ZNF343: variants seen among roughly 807,000 people sequenced by gnomAD.
The protein encoded by ZNF343 is zinc finger protein 343.
In ZNF343, 11 loss-of-function variants were observed where a neutral mutation model predicts 13.8. The observed-to-expected ratio is 0.80, with a 90% confidence interval of 0.50 to 1.32. The LOEUF (loss-of-function observed/expected upper bound fraction) is 1.32. Among genes scored for constraint, ZNF343 ranks in the 40% most tolerant of loss-of-function variants. The probability of loss-of-function intolerance (pLI) is 0.00; values close to 1 mark genes in which losing one functional copy is unlikely to be tolerated. For missense variants in ZNF343, 658 were observed against 714.2 expected (o/e 0.92, Z 0.90); for synonymous variants, 248 against 260.0 (o/e 0.95, Z 0.44).
intron 5 of ZNF343, among the ~76,000 whole-genome samples, chr20:2,488,494 A>G (rs2085316363): frequency 6.6e-6 from 1 of 151,888 alleles, no homozygotes. Context: ...CAGCACCACA[A>G]TGTTTTCTTT....
rs2085770690 is a variant in ZNF343 at position 2,518,797 on chromosome 20, G to C, written c.-347+5658C>G. On this transcript the variant is annotated intron_variant, in intron 1 of 6. Transcript: ENST00000358413. The surrounding 1 kb of genome is among the most constrained non-coding windows in gnomAD (Gnocchi z 4.6). ...CCCACTGATAATGGTTTGGCTCTGT[G>C]TTCCTACCCAAATCTCATCTCGAAT... is the stretch of plus-strand genomic sequence containing the variant. Among the ~76,000 whole-genome samples the C allele has an allele frequency of 6.6e-6, 1 of 152,188 alleles. No individual in the cohort carries two copies. Among genetic ancestry groups the C allele is most frequent in the Non-Finnish European group, 1.5e-5 (1 of 68,032 alleles).
At chr20:2,500,935 C>T (rs1412761824) in intron 1 of ZNF343, among the ~76,000 whole-genome samples, 193 bp from the exon 2 acceptor site, 2 of 152,176 alleles carry the variant, frequency 1.3e-5, no homozygotes, top group African/African-American at 4.8e-5. Flanking sequence ...CCGGGTTTAT[C>T]TCACTGGGGA....
intron 5 of ZNF343, among the ~76,000 whole-genome samples, chr20:2,491,361 A>G (rs1406150976): frequency 1.3e-5 from 2 of 152,186 alleles, no homozygotes; most frequent in Non-Finnish European, 2.9e-5. Context: ...AATAATATAT[A>G]TAGTCTTAAA....
chr20:2,516,081 T>A (rs1284924583), intron 1 of ZNF343, among the ~76,000 whole-genome samples: 1 of 151,214 alleles, frequency 6.6e-6, no homozygotes, highest in Non-Finnish European at 1.5e-5. Context: ...GGGGCTAGGG[T>A]GAGGGTGAGG....
At chr20:2,499,315 A>C (rs1253149616) in intron 2 of ZNF343, among the ~76,000 whole-genome samples, 18 of 136,320 alleles carry the variant, frequency 1.3e-4, no homozygotes, top group African/African-American at 4.5e-4. Flanking sequence ...AATACAAAAA[A>C]TTAGCCGGGC....
chr20:2,490,382 C>T (rs1317362055), intron 5 of ZNF343, among the ~76,000 whole-genome samples: 2 of 152,128 alleles, frequency 1.3e-5, no homozygotes, highest in African/African-American at 4.8e-5. Flanking sequence ...AGGCTGGAGA[C>T]TGCGGAACAT....
intron 5 of ZNF343, among the ~76,000 whole-genome samples, chr20:2,486,940 T>A (rs566893254): frequency 6.6e-6 from 1 of 152,316 alleles, no homozygotes; most frequent in Non-Finnish European, 1.5e-5. Context: ...GGTTTGTAGG[T>A]GACATGGTCT....
intron 1 of ZNF343, among the ~76,000 whole-genome samples, chr20:2,502,207 G>T (rs559278307): frequency 6.6e-6 from 1 of 152,298 alleles, no homozygotes; most frequent in South Asian, 2.1e-4. Context: ...GGAAGAAAGG[G>T]TATCAGTGAT....
chr20:2,495,082 T>G (rs2085435564), intron 2 of ZNF343, among the ~76,000 whole-genome samples: 1 of 152,242 alleles, frequency 6.6e-6, no homozygotes, highest in African/African-American at 2.4e-5. Flanking sequence ...ACAGGCCTAT[T>G]GTTGCCTAGT....
upstream of ZNF343, among the ~76,000 whole-genome samples, chr20:2,509,852 G>A (rs2085727598): frequency 2.0e-5 from 3 of 152,140 alleles, no homozygotes; most frequent in Admixed American, 6.5e-5. Flanking sequence ...AAATAAACCT[G>A]ACCTCACGCC....
chr20:2,523,975 G>A (rs1389470075), intron 1 of ZNF343, among the ~76,000 whole-genome samples: 2 of 89,984 alleles, frequency 2.2e-5, no homozygotes, highest in East Asian at 3.0e-4. Context: ...CAGAGACCCC[G>A]TCTCAAAAAA....
intron 5 of ZNF343, 65 bp from the exon 6 acceptor site, chr20:2,484,721 CT>C: frequency 6.9e-7 from 1 of 1,447,606 alleles, no homozygotes; most frequent in Non-Finnish European, 9.3e-7. Flanking sequence ...TCTGCCTTGT[CT>C]TAGGACAGAG....
In ZNF343 at chr20:2,518,693, T is replaced by C. The variant is rs542508262; in HGVS notation, c.-347+5762A>G. On this transcript the variant is annotated intron_variant, in intron 1 of 6. Transcript: ENST00000358413. The surrounding 1 kb of genome is among the most constrained non-coding windows in gnomAD (Gnocchi z 4.6). ...CACCACTTGCTTCACATCCACTCAA[T>C]ACCTATGCTCTGACAATCACCCACA... Among the ~76,000 whole-genome samples, 3 of 152,240 alleles carry C rather than the reference T, an allele frequency of 2.0e-5. No homozygotes were observed. The highest frequency in any genetic ancestry group is 7.2e-5 in the African/African-American group (3 of 41,544).
At position 2,492,741 on chromosome 20, in the gene ZNF343, T is replaced by C. The variant is rs1048251389; in HGVS notation, c.262A>G (p.Lys88Glu). ...RLSPEQRNLY[K>E]EVMLENYRNL... ...CTGTAATTCTCCAGCATCACTTCTT[T>C]GTATAGATTCCTCTGCTCTGGACTC... The change falls in exon 5 of 6, where the codon AAA becomes GAA. Residue 88 changes from lysine to glutamate, a missense_variant. Coordinates refer to ENST00000278772, the MANE Select transcript of ZNF343 (RefSeq NM_024325.6). The C allele has an allele frequency of 1.2e-6, 2 of 1,612,024 alleles. No homozygotes were observed. The highest frequency in any genetic ancestry group is 1.7e-6 in the Non-Finnish European group (2 of 1,179,442).
At chr20:2,489,920 G>C (rs1280924746) in intron 5 of ZNF343, among the ~76,000 whole-genome samples, 2 of 151,988 alleles carry the variant, frequency 1.3e-5, no homozygotes, top group African/African-American at 4.8e-5. Context: ...GGGAGGCTGG[G>C]GTGGGTGGAT....
intron 2 of ZNF343, among the ~76,000 whole-genome samples, chr20:2,497,090 A>T (rs112530766): frequency 7.9e-5 from 12 of 151,744 alleles, no homozygotes; most frequent in Non-Finnish European, 1.3e-4. Flanking sequence ...AAAAAAAAAA[A>T]TTTTACCATC....
chr20:2,490,346 G>A (rs1340806067), intron 5 of ZNF343, among the ~76,000 whole-genome samples: 1 of 151,848 alleles, frequency 6.6e-6, no homozygotes. Flanking sequence ...AAGAAGGAAG[G>A]GAATAGCCCA....
intron 2 of ZNF343, among the ~76,000 whole-genome samples, chr20:2,498,650 G>C (rs529666860): frequency 6.6e-4 from 101 of 152,290 alleles, no homozygotes; most frequent in African/African-American, 2.3e-3. Context: ...TCCATATTTA[G>C]TAAGCATATA....
At chr20:2,496,258 A>G (rs2085457225) in intron 2 of ZNF343, among the ~76,000 whole-genome samples, 1 of 152,186 alleles carries the variant, frequency 6.6e-6, no homozygotes, top group African/African-American at 2.4e-5. Flanking sequence ...TGAGGGAGTG[A>G]TTCATGTGGG....
Sources: gnomAD v4.1 joint callset for allele counts (sites outside exome capture counted in the v4.1 genomes callset) on GRCh38, gnomAD v4.1.1 for gene constraint, Gnocchi (gnomAD v3.1) non-coding constraint, MANE v1.5 for transcripts, NCBI Gene and HGNC (gene_info 2026-07-23, HGNC 2026-07-21) for gene names.